The following ODAD2 variants were observed in gnomAD, a reference collection of about 807,000 sequenced individuals.
ODAD2 encodes the protein outer dynein arm docking complex subunit 2, also known as outer dynein arm-docking complex subunit 2.
Under a neutral mutation model 106.8 loss-of-function variants are expected in ODAD2, and 89 were observed. The ratio of observed to expected loss-of-function variants is 0.83; its 90% confidence interval spans 0.70 to 0.99. The LOEUF (loss-of-function observed/expected upper bound fraction) is 0.99. Among genes scored for constraint, ODAD2 ranks in the 50% least tolerant of loss-of-function variants. The probability of loss-of-function intolerance (pLI) is 0.00; values close to 1 mark genes in which losing one functional copy is unlikely to be tolerated. For synonymous variants in ODAD2, 404 were observed against 436.2 expected (o/e 0.93, Z 0.92); for missense variants, 1,168 against 1,238.5 (o/e 0.94, Z 0.85).
At position 27,840,691 on chromosome 10, in the gene ODAD2, A is replaced by T. The variant is rs115562452; in HGVS notation, c.3021+19934T>A. 6.6e-3 allele frequency among the ~76,000 whole-genome samples: 1,009 copies of T among 152,330 alleles called. 14 individuals carry two copies. The highest frequency in any genetic ancestry group is 0.023 in the African/African-American group (957 of 41,570). The stretch of plus-strand genomic sequence containing the variant: ...GGCAAAAGAGAGGAAGCCAACTGGC[A>T]TAGAAAGAATAAAAGGAAACAAATA... On this transcript the variant is annotated intron_variant, in intron 19 of 19. Coordinates refer to ENST00000305242, the MANE Select transcript of ODAD2 (RefSeq NM_018076.5).
At position 27,935,130 on chromosome 10, in the gene ODAD2, A is replaced by G. The variant is rs1845876780; in HGVS notation, c.2375T>C (p.Ile792Thr). The stretch of plus-strand genomic sequence containing the variant: ...TTGAATGCCACCACATTTCCGGACA[A>G]TGACTCGGTTTTCACGTTCTTGGCA... ...ECCQERENRV[I>T]VRKCGGIQPL... The change falls in exon 16 of 20, where the codon ATT (isoleucine) becomes ACT (threonine). Residue 792 changes from isoleucine to threonine, a missense_variant. This residue lies in a region of ODAD2 where 701 missense variants were observed against 712.3 expected (regional missense o/e 0.98). Transcript: ENST00000305242. The G allele has an allele frequency of 6.2e-7, 1 of 1,613,834 alleles. No individual in the cohort carries two copies. The highest frequency in any genetic ancestry group is 8.5e-7 in the Non-Finnish European group (1 of 1,179,906).
intron 7 of ODAD2, among the ~76,000 whole-genome samples, chr10:27,974,938 T>C (rs570918567): frequency 6.6e-6 from 1 of 152,310 alleles, no homozygotes; most frequent in East Asian, 1.9e-4. Flanking sequence ...TAATTCTCAC[T>C]GTAGAGATCT....
intron 12 of ODAD2, among the ~76,000 whole-genome samples, 198 bp downstream of exon 12, chr10:27,944,024 T>G (rs1846666911): frequency 6.6e-6 from 1 of 152,078 alleles, no homozygotes; most frequent in Non-Finnish European, 1.5e-5. Flanking sequence ...AAAAATGAGT[T>G]TGAAGATGTT....
At chr10:27,827,762 T>C (rs904362564) in intron 19 of ODAD2, among the ~76,000 whole-genome samples, 26 of 152,124 alleles carry the variant, frequency 1.7e-4, no homozygotes, top group South Asian at 2.1e-4. Context: ...AAAGGGTCAA[T>C]AGGACCCACT....
chr10:27,906,314 C>G (rs1843584562), intron 17 of ODAD2, among the ~76,000 whole-genome samples: 1 of 152,178 alleles, frequency 6.6e-6, no homozygotes, highest in African/African-American at 2.4e-5. Flanking sequence ...CAATGAGACA[C>G]CATCTCACAC....
chr10:27,989,015 T>C (rs1850057971), intron 2 of ODAD2, among the ~76,000 whole-genome samples: 1 of 152,118 alleles, frequency 6.6e-6, no homozygotes, highest in Non-Finnish European at 1.5e-5. Context: ...TGTGGAGCCA[T>C]GAGCCATGAG....
intron 16 of ODAD2, among the ~76,000 whole-genome samples, chr10:27,924,614 GAAAAAAA>G (rs60226782): frequency 7.9e-4 from 10 of 12,648 alleles, no homozygotes; most frequent in East Asian, 1.5e-3. Context: ...TGATTAGGAG[GAAAAAAA>G]AAAAAAAAAA....
intron 9 of ODAD2, among the ~76,000 whole-genome samples, chr10:27,965,493 T>C (rs909909455): frequency 3.9e-5 from 6 of 152,086 alleles, no homozygotes; most frequent in African/African-American, 1.4e-4. Flanking sequence ...AGTGGAAGAA[T>C]GATTCATTTG....
At chr10:27,844,790 C>T (rs1428181535) in intron 19 of ODAD2, among the ~76,000 whole-genome samples, 1 of 152,196 alleles carries the variant, frequency 6.6e-6, no homozygotes, top group Non-Finnish European at 1.5e-5. Flanking sequence ...CTATACTTAG[C>T]TTTTCTTTTT....
chr10:27,861,974 A>T (rs1471887420), intron 18 of ODAD2, among the ~76,000 whole-genome samples: 1 of 152,212 alleles, frequency 6.6e-6, no homozygotes, highest in Non-Finnish European at 1.5e-5. Context: ...AAGGCTGCTT[A>T]TTCTGTCTGG....
At chr10:27,937,999 A>C (rs1485433920) in intron 14 of ODAD2, among the ~76,000 whole-genome samples, 2 of 152,128 alleles carry the variant, frequency 1.3e-5, no homozygotes, top group Admixed American at 1.3e-4. Flanking sequence ...GCTGGAGTAC[A>C]GTGGCACAAT....
chr10:27,994,902 G>A lies in ODAD2; in HGVS notation c.224+17C>T. 1 of 1,612,806 alleles carries A rather than the reference G, an allele frequency of 6.2e-7. No individual in the cohort carries two copies. Among genetic ancestry groups the A allele is most frequent in the South Asian group, 1.1e-5 (1 of 90,976 alleles). On this transcript the variant is annotated intron_variant, in intron 2 of 19. Coordinates refer to ENST00000305242, the MANE Select transcript of ODAD2 (RefSeq NM_018076.5). ...ACAACGAAGATATCAAATCCTAGAA[G>A]CAAGTAACTGGCTTACCTGACAACA... is the stretch of plus-strand genomic sequence containing the variant.
intron 17 of ODAD2, among the ~76,000 whole-genome samples, chr10:27,892,626 A>C (rs1409076511): frequency 6.6e-6 from 1 of 152,256 alleles, no homozygotes; most frequent in South Asian, 2.1e-4. Context: ...TAACTGAAAC[A>C]CTAGTCTACC....
chr10:27,923,492 TAAG>T (rs1238474136), intron 16 of ODAD2, among the ~76,000 whole-genome samples: 1 of 152,104 alleles, frequency 6.6e-6, no homozygotes, highest in African/African-American at 2.4e-5. Flanking sequence ...ATAGAAGATG[TAAG>T]AAGATTTAGA....
chr10:27,872,801 AT>A (rs1332324003), intron 17 of ODAD2, among the ~76,000 whole-genome samples: 6 of 152,282 alleles, frequency 3.9e-5, no homozygotes, highest in Non-Finnish European at 7.3e-5. Flanking sequence ...CATCAGGGAT[AT>A]TGGTCTAAAA....
intron 17 of ODAD2, among the ~76,000 whole-genome samples, chr10:27,882,034 T>G (rs1262335537): frequency 6.6e-6 from 1 of 151,906 alleles, no homozygotes; most frequent in Non-Finnish European, 1.5e-5. Flanking sequence ...CTGGGCATGG[T>G]GGCATGTGCC....
intron 16 of ODAD2, among the ~76,000 whole-genome samples, chr10:27,924,932 C>T (rs1348555381): frequency 6.6e-6 from 1 of 150,710 alleles, no homozygotes; most frequent in Non-Finnish European, 1.5e-5. Flanking sequence ...TTCTACCAAA[C>T]CTTCAAAGCC....
intron 17 of ODAD2, among the ~76,000 whole-genome samples, chr10:27,884,513 G>A (rs1291296395): frequency 6.6e-6 from 1 of 152,140 alleles, no homozygotes; most frequent in Non-Finnish European, 1.5e-5. Flanking sequence ...AAGGACCAAA[G>A]TGGAAGTTGC....
intron 19 of ODAD2, among the ~76,000 whole-genome samples, chr10:27,817,083 T>G (rs1348675624): frequency 2.0e-5 from 3 of 152,122 alleles, no homozygotes; most frequent in Non-Finnish European, 4.4e-5. Flanking sequence ...CACAGATGTA[T>G]GCATGCATGC....
Sources: allele counts gnomAD v4.1 joint callset (sites outside exome capture counted in the v4.1 genomes callset), GRCh38; gene constraint gnomAD v4.1.1; regional missense constraint gnomAD v4.1.1; transcripts MANE v1.5; gene names NCBI Gene and HGNC (gene_info 2026-07-23, HGNC 2026-07-21).